TUB: variants seen among roughly 807,000 people sequenced by gnomAD.
TUB encodes tubby protein homolog.
Under a neutral mutation model 59.7 loss-of-function variants are expected in TUB, and 33 were observed. The ratio of observed to expected loss-of-function variants is 0.55; its 90% CI spans 0.42 to 0.74. The LOEUF is 0.74. Ranked by LOEUF, TUB falls within the 30% of genes least tolerant of loss-of-function variation. The pLI, the probability that TUB is intolerant of heterozygous loss-of-function variation, is 0.00. For synonymous variants in TUB, 293 were observed against 256.4 expected, an observed-to-expected ratio of 1.14 and a Z score of -1.36; for missense variants, 659 against 672.0, an observed-to-expected ratio of 0.98 and a Z score of 0.21.
chr11:8,038,931 A>T (rs1241709665), exon 1 of TUB: 1 of 1,613,710 alleles, frequency 6.2e-7, no homozygotes, highest in Non-Finnish European at 8.5e-7. Flanking sequence ...CGAGACAGGG[A>T]TTTTGTTCCC....
intron 1 of TUB, among the ~76,000 whole-genome samples, chr11:8,023,090 G>T (rs973426389): frequency 7.9e-5 from 12 of 152,160 alleles, no homozygotes; most frequent in African/African-American, 2.4e-4. Flanking sequence ...GGCTGGGAAG[G>T]CTAGAGCAGC....
intron 1 of TUB, among the ~76,000 whole-genome samples, chr11:8,088,079 G>C (rs547935326): frequency 6.6e-6 from 1 of 152,320 alleles, no homozygotes; most frequent in East Asian, 1.9e-4. Flanking sequence ...TGGCAGCTGA[G>C]GGTTTGGTGA....
chr11:8,096,834 A>C, intron 6 of TUB, 28 bp downstream of exon 6: 1 of 1,613,376 alleles, frequency 6.2e-7, no homozygotes, highest in South Asian at 1.1e-5. Context: ...CATCCACAGC[A>C]GTTTTTGGAG....
chr11:8,097,485 C>A, intron 7 of TUB, 60 bp downstream of exon 7: 1 of 1,605,316 alleles, frequency 6.2e-7, no homozygotes, highest in Non-Finnish European at 8.5e-7. Context: ...ATCCTAGGGG[C>A]TGAAATGTGA....
At chr11:8,080,035 G>A (rs2133810077), upstream of TUB, among the ~76,000 whole-genome samples, 1 of 152,324 alleles carries the variant, frequency 6.6e-6, no homozygotes, top group South Asian at 2.1e-4. Context: ...GAGAAGGCAA[G>A]GCTGAAGGGC....
At chr11:8,080,500 G>C (rs1325274742), upstream of TUB, among the ~76,000 whole-genome samples, 1 of 152,206 alleles carries the variant, frequency 6.6e-6, no homozygotes, top group Non-Finnish European at 1.5e-5. Context: ...AAGGGCTTTG[G>C]AGGACACAGA....
At chr11:8,096,328 A>G (rs1286905386) in intron 5 of TUB, among the ~76,000 whole-genome samples, 1 of 152,188 alleles carries the variant, frequency 6.6e-6, no homozygotes, top group Non-Finnish European at 1.5e-5. Flanking sequence ...GGAGATTCCC[A>G]GTTCAAGGTG....
chr11:8,054,320 G>A (rs1942981776), intron 2 of TUB, among the ~76,000 whole-genome samples: 1 of 152,164 alleles, frequency 6.6e-6, no homozygotes, highest in Non-Finnish European at 1.5e-5. Context: ...TAGAAATATA[G>A]TAAGATTCAG....
intron 2 of TUB, among the ~76,000 whole-genome samples, chr11:8,073,058 T>C (rs945563813): frequency 2.6e-5 from 4 of 152,170 alleles, no homozygotes; most frequent in African/African-American, 9.7e-5. Flanking sequence ...CACAGCACAT[T>C]AGCAACTTAG....
At chr11:8,038,761 C>G in exon 1 of TUB, 1 of 1,510,332 alleles carries the variant, frequency 6.6e-7, no homozygotes. Context: ...GGGAGACATC[C>G]AAGTGCTGGT....
At chr11:8,094,302 A>G in intron 4 of TUB, 113 bp downstream of exon 4, 1 of 1,360,728 alleles carries the variant, frequency 7.3e-7, no homozygotes, top group African/African-American at 1.5e-5. Context: ...AGCCTCAGGG[A>G]AGACACAGAC....
At chr11:8,054,298 AATTT>A (rs1325189799) in intron 2 of TUB, among the ~76,000 whole-genome samples, 1 of 151,768 alleles carries the variant, frequency 6.6e-6, no homozygotes, top group African/African-American at 2.4e-5. Flanking sequence ...TGAGATTTTT[AATTT>A]ATTAGTCTAG....
At chr11:8,089,904 G>C (rs1004339686) in intron 2 of TUB, among the ~76,000 whole-genome samples, 165 bp from the exon 3 acceptor site, 2 of 152,258 alleles carry the variant, frequency 1.3e-5, no homozygotes, top group African/African-American at 4.8e-5. Context: ...GATCCTGCCA[G>C]GGCAGCCACC....
chr11:8,033,831 T>G (rs1415570258), upstream of TUB, among the ~76,000 whole-genome samples: 2 of 152,260 alleles, frequency 1.3e-5, no homozygotes, highest in African/African-American at 2.4e-5. Context: ...GCTCAGAATG[T>G]ATCCTGGGGA....
chr11:8,034,199 G>A (rs947543489), upstream of TUB, among the ~76,000 whole-genome samples: 1 of 152,150 alleles, frequency 6.6e-6, no homozygotes, highest in Non-Finnish European at 1.5e-5. Flanking sequence ...GTGTTTAGGG[G>A]ACAGCCACCC....
chr11:8,091,362 C>T (rs900721742), intron 3 of TUB, among the ~76,000 whole-genome samples: 1 of 152,158 alleles, frequency 6.6e-6, no homozygotes, highest in South Asian at 2.1e-4. Context: ...AAGCCTACTC[C>T]GTTTCTTCTA....
chr11:8,069,823 C>G (rs1165989562), intron 2 of TUB, among the ~76,000 whole-genome samples: 2 of 152,118 alleles, frequency 1.3e-5, no homozygotes, highest in Non-Finnish European at 2.9e-5. Flanking sequence ...ATTGGCCACT[C>G]TTAATTCATG....
At chr11:8,039,445 G>GCCTGCCTA (rs1482574777) in intron 1 of TUB, 1 of 471,192 alleles carries the variant, frequency 2.1e-6, no homozygotes, top group African/African-American at 2.0e-5. Context: ...CTGCCTGCCT[G>GCCTGCCTA]CCTGCCATCC....
chr11:8,024,673 A>G (rs1191231200), intron 1 of TUB, among the ~76,000 whole-genome samples: 1 of 152,156 alleles, frequency 6.6e-6, no homozygotes, highest in South Asian at 2.1e-4. Flanking sequence ...TATATATGAC[A>G]TTCTCCCCTC....
Sources: gnomAD v4.1 joint callset for allele counts (sites outside exome capture counted in the v4.1 genomes callset) on GRCh38, gnomAD v4.1.1 for gene constraint, MANE v1.5 for transcripts, NCBI Gene and HGNC (gene_info 2026-07-23, HGNC 2026-07-21) for gene names.